SACS: variants seen among roughly 807,000 people sequenced by gnomAD.
SACS encodes the protein sacsin.
Under a neutral mutation model 348.0 loss-of-function variants are expected in SACS, and 197 were observed. The observed-to-expected ratio is 0.57, with a 90% CI of 0.50 to 0.64. SACS has a LOEUF of 0.64. SACS is among the 30% of genes least tolerant of loss of function. SACS has a pLI of 0.00. For synonymous variants in SACS, 1,985 were observed against 1,910.6 expected, an observed-to-expected ratio of 1.04 and a Z score of -1.02; for missense variants, 4,999 against 5,360.8, an observed-to-expected ratio of 0.93 and a Z score of 2.11.
chr13:23,413,301 A>G (rs889844642), intron 1 of SACS, among the ~76,000 whole-genome samples: 3 of 152,230 alleles, frequency 2.0e-5, no homozygotes, highest in African/African-American at 7.2e-5. Flanking sequence ...AACAATGGTA[A>G]GTGGAGGGAC....
At chr13:23,429,585 G>C (rs1027284377) in intron 1 of SACS, among the ~76,000 whole-genome samples, 1 of 151,570 alleles carries the variant, frequency 6.6e-6, no homozygotes, top group Non-Finnish European at 1.5e-5. Flanking sequence ...GGATGGTCTC[G>C]ATCTCCTGAC....
Position 23,332,980 on chromosome 13 carries a change from T to C in SACS, c.10896A>G (p.Ile3632Met), listed in dbSNP as rs35256065. The C allele has an allele frequency of 1.0e-3, 1,687 of 1,613,882 alleles. 14 individuals carry two copies. In the African/African-American group the frequency reaches 0.018, roughly 17 times the overall value. Residue 3632 changes from isoleucine to methionine, a missense_variant, in exon 10 of 10, where the codon ATA (isoleucine) becomes ATG (methionine). Ile to Met is a conservative substitution (Grantham distance 10). Around this residue, in one of 6 missense-constraint regions of SACS, gnomAD observed 831 missense variants for 941.8 expected, o/e 0.88. Transcript: ENST00000382292. Reference protein sequence around the residue: ...QNTVDILLHHIFQERMDLLSG... With the variant: ...QNTVDILLHHMFQERMDLLSG... Reference sequence around the variant, plus strand: ...ATAACAAATCCATTCGTTCTTGGAATATATGATGCAGAAGGATATCAACTG... The same window carrying C: ...ATAACAAATCCATTCGTTCTTGGAACATATGATGCAGAAGGATATCAACTG...
At chr13:23,353,231 CCT>C (rs529624001) in intron 9 of SACS, among the ~76,000 whole-genome samples, 39 of 152,138 alleles carry the variant, frequency 2.6e-4, no homozygotes, top group Non-Finnish European at 5.0e-4. Flanking sequence ...TTTTCCTGCC[CCT>C]GTTACAGAGT....
At chr13:23,345,914 A>C (rs1260087715) in intron 9 of SACS, among the ~76,000 whole-genome samples, 2 of 152,174 alleles carry the variant, frequency 1.3e-5, no homozygotes, top group Non-Finnish European at 2.9e-5. Context: ...TTATTAAAAA[A>C]AAAGGCAGTC....
intron 1 of SACS, among the ~76,000 whole-genome samples, chr13:23,430,234 T>C (rs1874381546): frequency 6.7e-6 from 1 of 149,122 alleles, no homozygotes; most frequent in African/African-American, 2.6e-5. Context: ...TAAATAAAAC[T>C]AAAGGAATAT....
chr13:23,334,185 A>G lies in SACS; in HGVS notation c.9691T>C (p.Cys3231Arg). The part of the protein sequence containing the change: ...VLPREYKTKS[C>R]TKWKDNFASE... Reference sequence around the variant, plus strand: ...GCAAAATTGTCTTTCCACTTTGTGCAACTTTTGGTCTTATATTCTCGAGGC... The same window carrying G: ...GCAAAATTGTCTTTCCACTTTGTGCGACTTTTGGTCTTATATTCTCGAGGC... The change falls in exon 10 of 10, where the codon TGC becomes CGC. Residue 3231 changes from cysteine (C) to arginine (R), a missense_variant. By Grantham distance (180) the Cys-to-Arg change is radical. Around this residue, in one of 6 missense-constraint regions of SACS, gnomAD observed 734 missense variants for 694.0 expected, o/e 1.06. Coordinates refer to ENST00000382292, the MANE Select transcript of SACS (RefSeq NM_014363.6). 1 of 1,613,902 alleles carries G rather than the reference A, an allele frequency of 6.2e-7. No homozygotes were observed. Among genetic ancestry groups the G allele is most frequent in the East Asian group, 2.2e-5 (1 of 44,870 alleles).
Position 23,337,653 on chromosome 13 carries a change from G to T in SACS, c.6223C>A (p.Pro2075Thr). ...IQEIEAELRD[P>T]LMIFVLNEKV... ...TCATTTAGAACAAAGATCATTAAAGGATCTCTAAGTTCTGCTTCAATTTCT... is the reference window on the plus strand; with the variant it reads ...TCATTTAGAACAAAGATCATTAAAGTATCTCTAAGTTCTGCTTCAATTTCT... Residue 2075 changes from proline (P) to threonine (T), a missense_variant, in exon 10 of 10, where the codon CCT becomes ACT. Coordinates refer to ENST00000382292, the MANE Select transcript of SACS (RefSeq NM_014363.6). The T allele has an allele frequency of 6.2e-7, 1 of 1,613,450 alleles. No individual in the cohort carries two copies. Among genetic ancestry groups the T allele is most frequent in the Non-Finnish European group, 8.5e-7 (1 of 1,179,814 alleles).
At position 23,365,741 on chromosome 13, in the gene SACS, A is replaced by G. The variant is rs147666914; in HGVS notation, c.346-464T>C. Among the ~76,000 whole-genome samples, 316 of 152,290 alleles carry G rather than the reference A, an allele frequency of 2.1e-3. 1 individual carries two copies. Among genetic ancestry groups the G allele is most frequent in the Non-Finnish European group, 3.4e-3 (228 of 68,016 alleles). ...AAAAACAATAAAACCAAATAGTAGC[A>G]ATCTATATATACCCTTCAATTGGCT... On this transcript the variant is annotated intron_variant, in intron 5 of 9. Coordinates refer to ENST00000382292, the MANE Select transcript of SACS (RefSeq NM_014363.6).
At chr13:23,398,679 T>C (rs1233934202) in intron 2 of SACS, among the ~76,000 whole-genome samples, 2 of 152,082 alleles carry the variant, frequency 1.3e-5, no homozygotes, top group African/African-American at 2.4e-5. Flanking sequence ...TTGAGGACAA[T>C]TGAGATCTGG....
Position 23,367,003 on chromosome 13 carries a change from A to G in SACS, c.345+1399T>C, listed in dbSNP as rs555554425. Reference sequence around the variant, plus strand: ...TGGCTACAATACAAATATATCTATAAGCAAAGCAGAAGGCGCGTAGCCCTC... The same window carrying G: ...TGGCTACAATACAAATATATCTATAGGCAAAGCAGAAGGCGCGTAGCCCTC... On this transcript the variant is annotated intron_variant, in intron 5 of 9. Transcript: ENST00000382292. Among the ~76,000 whole-genome samples, 8 of 152,368 alleles carry G rather than the reference A, an allele frequency of 5.3e-5. No homozygotes were observed. The South Asian group carries it at 1.4e-3, about 28-fold the overall frequency.
Position 23,339,894 on chromosome 13 carries a change from T to C in SACS, c.3982A>G (p.Thr1328Ala). Residue 1328 changes from threonine (T) to alanine (A), a missense_variant, in exon 10 of 10, where the codon ACA becomes GCA. Physicochemically the swap from Thr to Ala is moderately conservative, Grantham distance 58 (BLOSUM62 0). Coordinates refer to ENST00000382292, the MANE Select transcript of SACS (RefSeq NM_014363.6). ...FKVCGSIEEL[T>A]SDHISMVIQK... Reference sequence around the variant, plus strand: ...ATAACCATGGAAATATGATCTGATGTCAACTCCTCTATTGAACCACAGACC... The same window carrying C: ...ATAACCATGGAAATATGATCTGATGCCAACTCCTCTATTGAACCACAGACC... 6.2e-7 allele frequency: 1 copy of C among 1,614,042 alleles called. No homozygotes were observed. The highest frequency in any genetic ancestry group is 8.5e-7 in the Non-Finnish European group (1 of 1,179,974).
chr13:23,336,572 A>G lies in SACS; in HGVS notation c.7304T>C (p.Leu2435Pro), dbSNP rs1445071756. 5 of 1,613,590 alleles carry G rather than the reference A, an allele frequency of 3.1e-6. No homozygotes were observed. The African/African-American group carries it at 6.7e-5, about 22-fold the overall frequency. ...AAATTCTTGTTTCTTTTCTCTAATGAGACTCCATATTCCTTCACTGATTAT... is the reference window on the plus strand; with the variant it reads ...AAATTCTTGTTTCTTTTCTCTAATGGGACTCCATATTCCTTCACTGATTAT... The part of the protein sequence containing the change: ...RRIISEGIWS[L>P]IREKKQEFCE... The change falls in exon 10 of 10, where the codon CTC becomes CCC. Residue 2435 changes from leucine to proline, a missense_variant. By Grantham distance (98) the Leu-to-Pro change is moderately conservative (BLOSUM62 -3). Transcript: ENST00000382292.
chr13:23,366,223 G>C (rs551471375), intron 5 of SACS, among the ~76,000 whole-genome samples: 1 of 152,330 alleles, frequency 6.6e-6, no homozygotes, highest in African/African-American at 2.4e-5. Context: ...AGAGTAGAGA[G>C]GTGGTACGAT....
In SACS at chr13:23,338,019, G is replaced by A. The variant is rs780501659; in HGVS notation, c.5857C>T (p.His1953Tyr). Residue 1953 changes from histidine to tyrosine, a missense_variant, in exon 10 of 10, where the codon CAT becomes TAT. Around this residue, in one of 6 missense-constraint regions of SACS, gnomAD observed 3,156 missense variants for 3,380.1 expected, o/e 0.93. Transcript: ENST00000382292. ...TGGCAAATTACAGAAAAATCATCAT[G>A]AACTAAATCAGGATCGGGCCATACT... is the stretch of plus-strand genomic sequence containing the variant. ...YAVWPDPDLVHDDFSVICQGF... is the reference protein window; with the variant it reads ...YAVWPDPDLVYDDFSVICQGF... 1.9e-6 allele frequency: 3 copies of A among 1,613,764 alleles called. No individual in the cohort carries two copies. The Admixed American group carries it at 5.0e-5, about 27-fold the overall frequency.
At chr13:23,347,807 C>T (rs1326447713) in intron 9 of SACS, among the ~76,000 whole-genome samples, 2 of 152,148 alleles carry the variant, frequency 1.3e-5, no homozygotes, top group East Asian at 1.9e-4. Flanking sequence ...ACATGTATCA[C>T]ACCTGAGGGA....
chr13:23,336,769 T>TG lies in SACS; in HGVS notation c.7106dup (p.Tyr2370IlefsTer7). 6.2e-7 allele frequency: 1 copy of TG among 1,613,902 alleles called. No individual in the cohort carries two copies. Reference sequence around the variant, plus strand: ...ACTTATTAGGCAACTGATAAAGGTATGGTGCCGCCTCAAAATTTAAATGAA... The same window carrying TG: ...ACTTATTAGGCAACTGATAAAGGTATGGGTGCCGCCTCAAAATTTAAATGAA... On this transcript the variant is annotated frameshift_variant, in exon 10 of 10. Transcript: ENST00000382292. LOFTEE classifies it high-confidence loss of function.
intron 1 of SACS, among the ~76,000 whole-genome samples, chr13:23,413,302 G>A (rs375624130): frequency 3.9e-5 from 6 of 152,214 alleles, no homozygotes; most frequent in African/African-American, 1.4e-4. Context: ...ACAATGGTAA[G>A]TGGAGGGACA....
In SACS at chr13:23,360,843, C is replaced by T. The variant is rs1444248612; in HGVS notation, c.458-2362G>A. 2.0e-5 allele frequency among the ~76,000 whole-genome samples: 3 copies of T among 151,322 alleles called. No homozygotes were observed. The East Asian group carries it at 5.8e-4, about 29-fold the overall frequency. ...CTATCTCAGCTCATTGCACCTCCGCCTCCCGGGTTCAAGCAATTCTTCTGT... is the reference window on the plus strand; with the variant it reads ...CTATCTCAGCTCATTGCACCTCCGCTTCCCGGGTTCAAGCAATTCTTCTGT... On this transcript the variant is annotated intron_variant, in intron 6 of 9. Transcript: ENST00000382292.
At chr13:23,379,206 G>A (rs1871941530) in intron 2 of SACS, among the ~76,000 whole-genome samples, 1 of 152,194 alleles carries the variant, frequency 6.6e-6, no homozygotes, top group South Asian at 2.1e-4. Context: ...CTGTACAGCT[G>A]GACATGGTGC....
Sources: gnomAD v4.1 joint callset for allele counts (sites outside exome capture counted in the v4.1 genomes callset) on GRCh38, gnomAD v4.1.1 for gene constraint, gnomAD v4.1.1 regional missense constraint, MANE v1.5 for transcripts, NCBI Gene and HGNC (gene_info 2026-07-23, HGNC 2026-07-21) for gene names.